The following NKIRAS1 variants were observed in gnomAD, a reference collection of about 807,000 sequenced individuals.
NKIRAS1 encodes NF-kappa-B inhibitor-interacting Ras-like protein 1.
Under a neutral mutation model 19.8 loss-of-function variants are expected in NKIRAS1, and 16 were observed. That is an observed-to-expected ratio of 0.81 (90% CI 0.55 to 1.23). The LOEUF (loss-of-function observed/expected upper bound fraction) is 1.23, where lower values mean the gene tolerates loss of function less well. Among genes scored for constraint, NKIRAS1 ranks in the 50% most tolerant of loss-of-function variants. NKIRAS1 has a pLI of 0.00. For synonymous variants in NKIRAS1, 88 were observed against 79.0 expected, an observed-to-expected ratio of 1.11 and a Z score of -0.61; for missense variants, 184 against 220.0, an observed-to-expected ratio of 0.84 and a Z score of 1.04.
chr3:23,910,456 A>G (rs1210847584), intron 3 of NKIRAS1, among the ~76,000 whole-genome samples: 3 of 152,132 alleles, frequency 2.0e-5, no homozygotes, highest in Non-Finnish European at 2.9e-5. Context: ...TGCCCACTGG[A>G]AAGTTATGTT....
chr3:23,920,713 G>A (rs1378292229), upstream of NKIRAS1: 1 of 984,480 alleles, frequency 1.0e-6, no homozygotes, highest in Non-Finnish European at 1.2e-6. Context: ...TTTCCAGGAA[G>A]TACTCATAGC....
At chr3:23,916,191 A>G (rs147287668) in intron 1 of NKIRAS1, 2 of 152,242 alleles carry the variant, frequency 1.3e-5, no homozygotes, top group African/African-American at 4.8e-5. Context: ...TGATTCTCTT[A>G]AGCCTTTGCC....
chr3:23,897,424 A>T (rs1323720296), intron 4 of NKIRAS1, among the ~76,000 whole-genome samples: 1 of 152,236 alleles, frequency 6.6e-6, no homozygotes, highest in Non-Finnish European at 1.5e-5. Flanking sequence ...AACCATGTGC[A>T]AACATTACTT....
upstream of NKIRAS1, chr3:23,917,798 G>A (rs1247896241): frequency 6.6e-7 from 1 of 1,514,482 alleles, no homozygotes; most frequent in African/African-American, 1.4e-5. Context: ...GGATACAGTC[G>A]TCTTATTGTA....
rs561622586 is a variant in NKIRAS1, at chr3:23,938,408, C to T, written c.-140+7915G>A. ...AATTTTTTATAGAGTTGGGGGGTCTCACTATGTTCCCCAGGTTGGTCTTGA... is the reference window on the plus strand; with the variant it reads ...AATTTTTTATAGAGTTGGGGGGTCTTACTATGTTCCCCAGGTTGGTCTTGA... On this transcript the variant is annotated intron_variant, in intron 1 of 4. Transcript: ENST00000421515. Among the ~76,000 whole-genome samples the T allele has an allele frequency of 1.2e-3, 183 of 152,064 alleles. 4 individuals carry two copies. Among genetic ancestry groups the T allele is most frequent in the Non-Finnish European group, 1.3e-4 (9 of 67,918 alleles).
chr3:23,920,530 T>C (rs1705019737), upstream of NKIRAS1: 3 of 985,380 alleles, frequency 3.0e-6, no homozygotes, highest in South Asian at 4.7e-5. Context: ...GTTTGCACCA[T>C]GTCTTCCAGG....
rs1327919150 is a variant in NKIRAS1 at position 23,892,600 on chromosome 3, A to T, written c.*495T>A. On this transcript the variant is annotated 3_prime_UTR_variant, in exon 5 of 5. Coordinates refer to ENST00000425478, the MANE Select transcript of NKIRAS1 (RefSeq NM_020345.4). ...ATCTCCACAAGATGAAATTTAGCTT[A>T]CTACCCCAAACTGTTCAATGTTTTG... 1 of 152,266 alleles carries T rather than the reference A, an allele frequency of 6.6e-6. No individual in the cohort carries two copies. Among genetic ancestry groups the T allele is most frequent in the African/African-American group, 2.4e-5 (1 of 41,456 alleles). The allele number at this position is 152,266 out of a possible 1,614,324, so 9.4% of individuals were successfully genotyped here.
At chr3:23,901,179 CTTTTTTTT>C (rs369838815) in intron 3 of NKIRAS1, 130 bp from the exon 4 acceptor site, 3 of 729,288 alleles carry the variant, frequency 4.1e-6, no homozygotes, top group Admixed American at 3.1e-5. Context: ...TTCTATTTTA[CTTTTTTTT>C]TTTTTTTTTG....
At position 23,916,853 on chromosome 3, in the gene NKIRAS1, A is replaced by AC. The variant is rs761822423; in HGVS notation, c.-210dup. ...CGCGGCCACCGGCTTTGGAGCCTGG[A>AC]CCCCAACTTGCCTCCTCTCGCGGAG... On this transcript the variant is annotated 5_prime_UTR_variant, in exon 1 of 5. Coordinates refer to ENST00000425478, the MANE Select transcript of NKIRAS1 (RefSeq NM_020345.4). 6.5e-6 allele frequency: 1 copy of AC among 152,832 alleles called. No individual in the cohort carries two copies. Among genetic ancestry groups the AC allele is most frequent in the Non-Finnish European group, 1.5e-5 (1 of 68,178 alleles). The allele number at this position is 152,832 out of a possible 1,614,324, so 9.5% of individuals were successfully genotyped here. A position where few individuals can be genotyped will look rare whatever the true frequency, so the allele number is the denominator to read the frequency against.
intron 1 of NKIRAS1, among the ~76,000 whole-genome samples, chr3:23,932,488 A>T (rs1056786764): frequency 2.0e-5 from 3 of 152,098 alleles, no homozygotes; most frequent in Non-Finnish European, 4.4e-5. Context: ...CGGGAGTCCA[A>T]GACCAGCCTG....
intron 1 of NKIRAS1, among the ~76,000 whole-genome samples, chr3:23,912,983 G>C (rs1433653994): frequency 6.8e-6 from 1 of 146,636 alleles, no homozygotes; most frequent in Non-Finnish European, 1.5e-5. Context: ...GGGGCTTGCA[G>C]TGAGCCGAGA....
chr3:23,916,438 A>T (rs2360610), intron 1 of NKIRAS1: 2 of 152,108 alleles, frequency 1.3e-5, no homozygotes, highest in East Asian at 3.9e-4. Flanking sequence ...TTCTCATGTT[A>T]GCAAATTTGG....
At chr3:23,932,275 G>A (rs1705332117) in intron 1 of NKIRAS1, among the ~76,000 whole-genome samples, 1 of 152,242 alleles carries the variant, frequency 6.6e-6, no homozygotes, top group East Asian at 1.9e-4. Flanking sequence ...ATTACATAAT[G>A]AAATCCCAGT....
Position 23,891,347 on chromosome 3 carries a change from T to G in NKIRAS1, c.*1748A>C, listed in dbSNP as rs1374732208. 1.3e-5 allele frequency: 2 copies of G among 152,232 alleles called. No individual in the cohort carries two copies. Among genetic ancestry groups the G allele is most frequent in the African/African-American group, 4.8e-5 (2 of 41,450 alleles). 9.4% of individuals were successfully genotyped at this position (152,232 alleles called of 1,614,324 possible). On this transcript the variant is annotated 3_prime_UTR_variant, in exon 5 of 5. Coordinates refer to ENST00000425478, the MANE Select transcript of NKIRAS1 (RefSeq NM_020345.4). ...GTGTTCATTTACTTTTCTTTTGCCT[T>G]TTGGTTGCCATTCGCAGATTCTTCT...
intron 1 of NKIRAS1, among the ~76,000 whole-genome samples, chr3:23,914,256 C>T (rs1350686535): frequency 6.6e-6 from 1 of 151,408 alleles, no homozygotes; most frequent in Non-Finnish European, 1.5e-5. Flanking sequence ...GAAGAGCCAT[C>T]AGAAACAGCT....
intron 1 of NKIRAS1, among the ~76,000 whole-genome samples, chr3:23,912,145 T>C (rs1379680046): frequency 2.0e-5 from 3 of 152,066 alleles, no homozygotes; most frequent in South Asian, 2.1e-4. Flanking sequence ...CAGGACTTCA[T>C]GACTAAAACA....
At chr3:23,911,941 T>C (rs1343362586) in intron 1 of NKIRAS1, among the ~76,000 whole-genome samples, 1 of 152,082 alleles carries the variant, frequency 6.6e-6, no homozygotes, top group Non-Finnish European at 1.5e-5. Flanking sequence ...TTTTTGTATT[T>C]TTAGTAGAGA....
intron 3 of NKIRAS1, among the ~76,000 whole-genome samples, chr3:23,903,508 C>T (rs1702720010): frequency 1.3e-5 from 2 of 151,800 alleles, no homozygotes; most frequent in South Asian, 2.1e-4. Flanking sequence ...TACAGAGAAA[C>T]CAACTATACA....
At chr3:23,899,543 C>T (rs1037247127) in intron 4 of NKIRAS1, among the ~76,000 whole-genome samples, 1 of 151,966 alleles carries the variant, frequency 6.6e-6, no homozygotes, top group Non-Finnish European at 1.5e-5. Flanking sequence ...GAAGAGTCCG[C>T]CACGTGAAGA....
Sources: allele counts gnomAD v4.1 joint callset (sites outside exome capture counted in the v4.1 genomes callset), GRCh38; gene constraint gnomAD v4.1.1; transcripts MANE v1.5; gene names NCBI Gene and HGNC (gene_info 2026-07-23, HGNC 2026-07-21).